The following UTP20 variants were observed in gnomAD, a reference collection of about 807,000 sequenced individuals.
UTP20 encodes UTP20 small subunit processome component.
UTP20 carries 164 observed loss-of-function variants against 329.5 expected under a neutral mutation model. The observed-to-expected ratio is 0.50, with a 90% CI of 0.44 to 0.57. The LOEUF (loss-of-function observed/expected upper bound fraction) is 0.57, where lower values mean the gene tolerates loss of function less well. UTP20 is among the 20% of genes least tolerant of loss of function. The pLI, the probability that UTP20 is intolerant of heterozygous loss-of-function variation, is 0.00. For synonymous variants in UTP20, 1,151 were observed against 1,159.3 expected (o/e 0.99, Z 0.14); for missense variants, 3,055 against 3,284.2 (o/e 0.93, Z 1.71).
chr12:101,306,127 A>G (rs1872637170), intron 16 of UTP20, 62 bp downstream of exon 16: 11 of 1,462,918 alleles, frequency 7.5e-6, no homozygotes, highest in South Asian at 1.5e-5. Context: ...TATGGACTGC[A>G]GTGGTTTTCA....
At position 101,301,668 on chromosome 12, in the gene UTP20, A is replaced by AAAAT. The variant is rs374899283; in HGVS notation, c.1676-761_1676-758dup. ...GAGCGATGGAGCAAGATTCTGTCTC[A>AAAAT]AAATAAATAAATAAATAAATAATAT... is the stretch of plus-strand genomic sequence containing the variant. On this transcript the variant is annotated intron_variant, in intron 14 of 61. Coordinates refer to ENST00000261637, the MANE Select transcript of UTP20 (RefSeq NM_014503.3). 6.8e-3 allele frequency among the ~76,000 whole-genome samples: 1,037 copies of AAAAT among 152,246 alleles called. 8 individuals carry two copies. Among genetic ancestry groups the AAAAT allele is most frequent in the African/African-American group, 0.022 (924 of 41,540 alleles).
chr12:101,288,868 C>G (rs1287052279), intron 5 of UTP20, 92 bp from the exon 6 acceptor site: 1 of 1,111,282 alleles, frequency 9.0e-7, no homozygotes, highest in African/African-American at 1.6e-5. Flanking sequence ...CCTTGCATAC[C>G]CAGCACATTG....
rs199880162 is a variant in UTP20, at chr12:101,342,983, G to A, written c.4339G>A (p.Asp1447Asn). Reference protein sequence around the residue: ...DQRHLDDINFDVRFETFQTIT... With the variant: ...DQRHLDDINFNVRFETFQTIT... ...AAGACATCTTGATGATATCAACTTCGACGTTCGCTTTGAGACTTTCCAGAC... is the reference window on the plus strand; with the variant it reads ...AAGACATCTTGATGATATCAACTTCAACGTTCGCTTTGAGACTTTCCAGAC... The change falls in exon 35 of 62, where the codon GAC becomes AAC. Residue 1447 changes from aspartate to asparagine, a missense_variant. Transcript: ENST00000261637. The A allele has an allele frequency of 9.8e-5, 158 of 1,613,674 alleles. No individual in the cohort carries two copies. The East Asian group carries it at 2.8e-3, about 28-fold the overall frequency.
At position 101,363,713 on chromosome 12, in the gene UTP20, G is replaced by A; in HGVS notation, c.5928G>A (p.Gln1976=). The change falls in exon 45 of 62, where the codon CAG becomes CAA. Residue 1976 remains glutamine (Q), a synonymous_variant. Coordinates refer to ENST00000261637, the MANE Select transcript of UTP20 (RefSeq NM_014503.3). ...EILGKFVGKD[Q]VTKLILPLKE... ...TCGGCAAGTTTGTAGGAAAAGATCA[G>A]GTTACAAAACTCATCCTTCCATTAA... The A allele has an allele frequency of 1.9e-6, 3 of 1,611,292 alleles. No homozygotes were observed. Among genetic ancestry groups the A allele is most frequent in the Non-Finnish European group, 2.5e-6 (3 of 1,177,466 alleles).
At chr12:101,343,700 C>T (rs902720872) in intron 35 of UTP20, among the ~76,000 whole-genome samples, 2 of 152,070 alleles carry the variant, frequency 1.3e-5, no homozygotes, top group African/African-American at 4.8e-5. Flanking sequence ...TTATTAGAGA[C>T]GAGGTTTCAC....
chr12:101,304,502 G>A (rs1249086444), intron 15 of UTP20, among the ~76,000 whole-genome samples: 1 of 152,182 alleles, frequency 6.6e-6, no homozygotes, highest in Non-Finnish European at 1.5e-5. Flanking sequence ...AGAAAGCCCT[G>A]GTCTGAACTC....
At chr12:101,334,991 A>C (rs1446026383) in intron 29 of UTP20, among the ~76,000 whole-genome samples, 2 of 152,088 alleles carry the variant, frequency 1.3e-5, no homozygotes, top group African/African-American at 4.8e-5. Context: ...AAAAGATAAA[A>C]AGATAAATTG....
intron 44 of UTP20, 93 bp downstream of exon 44, chr12:101,362,153 T>G: frequency 1.1e-6 from 1 of 928,784 alleles, no homozygotes; most frequent in Non-Finnish European, 1.7e-6. Flanking sequence ...TAATAGCCCA[T>G]AAAAATGAAA....
chr12:101,306,028 C>G lies in UTP20; in HGVS notation c.1895C>G (p.Pro632Arg). The G allele has an allele frequency of 6.2e-7, 1 of 1,613,222 alleles. No homozygotes were observed. The highest frequency in any genetic ancestry group is 8.5e-7 in the Non-Finnish European group (1 of 1,179,550). ...LSQEALMELF[P>R]KLQANISTGV... ...CAGGAGGCTTTAATGGAATTATTTC[C>G]CAAGTTACAAGCAAACATTTCAACT... Residue 632 changes from proline (P) to arginine (R), a missense_variant, in exon 16 of 62, where the codon CCC becomes CGC. Physicochemically the swap from Pro to Arg is moderately radical, Grantham distance 103. This residue lies in a region of UTP20 where 2,445 missense variants were observed against 2,575.5 expected (regional missense o/e 0.95). Coordinates refer to ENST00000261637, the MANE Select transcript of UTP20 (RefSeq NM_014503.3).
In UTP20 at chr12:101,344,601, G is replaced by A; in HGVS notation, c.4456G>A (p.Asp1486Asn). The A allele has an allele frequency of 1.0e-6, 1 of 962,508 alleles. No individual in the cohort carries two copies. The highest frequency in any genetic ancestry group is 1.7e-6 in the Non-Finnish European group (1 of 584,476). The allele number at this position is 962,508 out of a possible 1,614,324, so 59.6% of individuals were successfully genotyped here. Residue 1486 changes from aspartate to asparagine, a missense_variant, in exon 36 of 62, where the codon GAT (aspartate) becomes AAT (asparagine). This residue lies in a region of UTP20 where 2,445 missense variants were observed against 2,575.5 expected (regional missense o/e 0.95). Coordinates refer to ENST00000261637, the MANE Select transcript of UTP20 (RefSeq NM_014503.3). ...TTATTTCTCTTTTTTGCAGTTAGGA[G>A]ATATGAGTTTAAGTGATAATGCCAG... ...HNCFYNLELG[D>N]MSLSDNASMC... is the part of the protein sequence containing the mutation.
At chr12:101,364,730 TG>T (rs1195650774) in intron 45 of UTP20, among the ~76,000 whole-genome samples, 1 of 152,210 alleles carries the variant, frequency 6.6e-6, no homozygotes, top group Non-Finnish European at 1.5e-5. Context: ...TAGGTCTAAA[TG>T]TTCTGGTGCT....
chr12:101,295,582 A>G lies in UTP20; in HGVS notation c.1354A>G (p.Asn452Asp). ...ALAILAKLIL[N>D]KAAPPTAGSM... Reference sequence around the variant, plus strand: ...GGCCATTCTGGCCAAGCTCATTCTGAACAAAGCAGCACCTCCCACTGCTGG... The same window carrying G: ...GGCCATTCTGGCCAAGCTCATTCTGGACAAAGCAGCACCTCCCACTGCTGG... The change falls in exon 12 of 62, where the codon AAC (asparagine) becomes GAC (aspartate). Residue 452 changes from asparagine to aspartate, a missense_variant. Coordinates refer to ENST00000261637, the MANE Select transcript of UTP20 (RefSeq NM_014503.3). 6.2e-7 allele frequency: 1 copy of G among 1,613,828 alleles called. No individual in the cohort carries two copies. The highest frequency in any genetic ancestry group is 1.1e-5 in the South Asian group (1 of 91,036).
intron 30 of UTP20, 25 bp downstream of exon 30, chr12:101,338,302 A>C (rs1366567241): frequency 1.9e-6 from 3 of 1,602,566 alleles, no homozygotes; most frequent in Non-Finnish European, 2.6e-6. Flanking sequence ...AAAGCAGATA[A>C]TTCTTAGACT....
chr12:101,338,368 A>T (rs1488147194), intron 30 of UTP20, 91 bp downstream of exon 30: 10 of 1,304,688 alleles, frequency 7.7e-6, no homozygotes, highest in Non-Finnish European at 9.8e-6. Flanking sequence ...AATTTGACTC[A>T]CTCGAGAGCA....
chr12:101,351,243 C>T (rs1869509740), intron 38 of UTP20, among the ~76,000 whole-genome samples: 1 of 152,084 alleles, frequency 6.6e-6, no homozygotes, highest in Non-Finnish European at 1.5e-5. Context: ...CCTCCTGCCA[C>T]AGCCTCCTGA....
intron 43 of UTP20, among the ~76,000 whole-genome samples, chr12:101,359,039 C>T (rs374821226): frequency 9.2e-5 from 14 of 152,100 alleles, no homozygotes; most frequent in South Asian, 8.3e-4. Flanking sequence ...TTGAAGACTT[C>T]GGCCAGTATT....
At chr12:101,375,854 A>G (rs370197543) in intron 56 of UTP20, 98 bp downstream of exon 56, 33 of 733,956 alleles carry the variant, frequency 4.5e-5, no homozygotes, top group African/African-American at 3.4e-4. Context: ...TTCAGAAAGT[A>G]TACAATGTCA....
At chr12:101,376,038 T>C (rs1870460593) in intron 56 of UTP20, among the ~76,000 whole-genome samples, 1 of 152,232 alleles carries the variant, frequency 6.6e-6, no homozygotes, top group South Asian at 2.1e-4. Flanking sequence ...TTATTTATTT[T>C]CCCTCAGGTA....
chr12:101,325,644 C>T (rs1022484022), intron 25 of UTP20, among the ~76,000 whole-genome samples: 2 of 152,208 alleles, frequency 1.3e-5, no homozygotes, highest in African/African-American at 4.8e-5. Flanking sequence ...TGGGCTGTCT[C>T]AATGAATGGC....
Sources: allele counts gnomAD v4.1 joint callset (sites outside exome capture counted in the v4.1 genomes callset), GRCh38; gene constraint gnomAD v4.1.1; regional missense constraint gnomAD v4.1.1; transcripts MANE v1.5; gene names NCBI Gene and HGNC (gene_info 2026-07-23, HGNC 2026-07-21).